MORN1: variants seen among roughly 807,000 people sequenced by gnomAD.
MORN1 encodes MORN repeat containing 1.
A neutral mutation model predicts 61.9 loss-of-function variants in MORN1; 67 were observed. The ratio of observed to expected loss-of-function variants is 1.08; its 90% CI spans 0.89 to 1.33. The LOEUF is 1.33. MORN1 is among the 40% of genes most tolerant of loss of function. MORN1 has a pLI of 0.00. For synonymous variants in MORN1, 301 were observed against 292.0 expected, an observed-to-expected ratio of 1.03 and a Z score of -0.31; for missense variants, 752 against 691.2, an observed-to-expected ratio of 1.09 and a Z score of -0.99.
intron 12 of MORN1, among the ~76,000 whole-genome samples, chr1:2,335,828 T>TAGCCG (rs1641254300): frequency 7.0e-6 from 1 of 143,014 alleles, no homozygotes; most frequent in African/African-American, 3.0e-5. Flanking sequence ...CTCGCCTCCA[T>TAGCCG]AGCCCAGCCC....
intron 5 of MORN1, 134 bp downstream of exon 5, chr1:2,385,673 G>A (rs922252363): frequency 1.2e-5 from 9 of 722,350 alleles, no homozygotes; most frequent in African/African-American, 1.1e-4. Context: ...GGGGGGTGGC[G>A]GGTAGACAGC....
At chr1:2,369,187 T>TA (rs113988166) in intron 8 of MORN1, among the ~76,000 whole-genome samples, 17,314 of 150,326 alleles carry the variant, frequency 0.12, 2,426 homozygotes, top group African/African-American at 0.33. Context: ...CTGTCTGTAC[T>TA]AAAAAAATAC....
At chr1:2,355,668 G>A (rs1178042259) in intron 10 of MORN1, among the ~76,000 whole-genome samples, 2 of 152,252 alleles carry the variant, frequency 1.3e-5, no homozygotes, top group Non-Finnish European at 2.9e-5. Flanking sequence ...GGGGCCGAGT[G>A]ACCGGCCAGG....
At chr1:2,367,946 TAAA>T (rs1202202387) in intron 8 of MORN1, among the ~76,000 whole-genome samples, 1 of 152,122 alleles carries the variant, frequency 6.6e-6, no homozygotes, top group Non-Finnish European at 1.5e-5. Flanking sequence ...ATAAAATTCT[TAAA>T]AGAAAACACA....
At chr1:2,353,078 C>A (rs759293791) in intron 10 of MORN1, among the ~76,000 whole-genome samples, 1 of 152,224 alleles carries the variant, frequency 6.6e-6, no homozygotes, top group Non-Finnish European at 1.5e-5. Context: ...GCAGGCCAGG[C>A]CAGAGGCTTC....
chr1:2,329,289 T>G (rs570448697), intron 12 of MORN1, among the ~76,000 whole-genome samples: 31 of 152,292 alleles, frequency 2.0e-4, no homozygotes, highest in Admixed American at 4.6e-4. Flanking sequence ...CTGCTTTGGT[T>G]TAGTATCCCT....
At chr1:2,385,392 G>A (rs1252427695) in intron 5 of MORN1, 6 of 444,366 alleles carry the variant, frequency 1.4e-5, no homozygotes, top group Admixed American at 7.9e-5. Flanking sequence ...AGACTCCGCC[G>A]TGGGAATTTC....
intron 1 of MORN1, chr1:2,390,373 G>A: frequency 1.0e-6 from 1 of 966,958 alleles, no homozygotes; most frequent in Non-Finnish European, 1.2e-6. Flanking sequence ...GGCAGTGTCA[G>A]TGAGGCACAC....
rs889115303 is a variant in MORN1, at chr1:2,337,035, G to A, written c.1037-185C>T. ...TCCATCCTGGGTGCTCCCTCCGGCC[G>A]CCGACAGGGGAGGTGGGGGTCCTCC... On this transcript the variant is annotated intron_variant, in intron 10 of 13. Coordinates refer to ENST00000378531, the MANE Select transcript of MORN1 (RefSeq NM_024848.3). This position sits in a 1 kb window ranked among gnomAD's most constrained non-coding sequence, Gnocchi z 5.7. 7.9e-5 allele frequency among the ~76,000 whole-genome samples: 12 copies of A among 152,086 alleles called. No individual in the cohort carries two copies. Among genetic ancestry groups the A allele is most frequent in the African/African-American group, 2.7e-4 (11 of 41,406 alleles).
At chr1:2,363,726 C>T (rs1161341962) in intron 8 of MORN1, 1 of 147,710 alleles carries the variant, frequency 6.8e-6, no homozygotes, top group Non-Finnish European at 1.5e-5. Flanking sequence ...GATTTCACTA[C>T]TGTACTTCAG....
intron 10 of MORN1, among the ~76,000 whole-genome samples, chr1:2,355,970 G>A (rs1641754485): frequency 6.6e-6 from 1 of 152,220 alleles, no homozygotes. Flanking sequence ...TCCAGGCCAA[G>A]GCTCACCGGA....
chr1:2,385,328 T>C, intron 5 of MORN1: 1 of 539,322 alleles, frequency 1.9e-6, no homozygotes, highest in South Asian at 2.1e-5. Context: ...AAATGGGAAA[T>C]GACCCAGGAG....
rs949481808 is a variant in MORN1 at position 2,391,490 on chromosome 1, C to A, written c.44G>T (p.Arg15Leu). Residue 15 changes from arginine (R) to leucine (L), a missense_variant, in exon 1 of 14, where the codon CGT (arginine) becomes CTT (leucine). Arg to Leu is a moderately radical substitution (Grantham distance 102). Transcript: ENST00000378531. ...GGGCGGCCGCCTAGGCGGGTCCCGA[C>A]GCGGCCCGCGGGAGCTCGGGGTGCC... ...GEGTPSSRGP[R>L]RDPPRRPPRN... 2 of 1,252,200 alleles carry A rather than the reference C, an allele frequency of 1.6e-6. No homozygotes were observed. Among genetic ancestry groups the A allele is most frequent in the Non-Finnish European group, 2.0e-6 (2 of 992,280 alleles). The allele number at this position is 1,252,200 out of a possible 1,614,324, so 77.6% of individuals were successfully genotyped here.
chr1:2,389,129 GAA>G (rs374080033), intron 2 of MORN1, among the ~76,000 whole-genome samples: 8 of 76,782 alleles, frequency 1.0e-4, no homozygotes, highest in Admixed American at 4.4e-4. Context: ...AAAAAAAAAA[GAA>G]AAAAGAAACA....
rs1642194500 is a variant in MORN1 at position 2,374,574 on chromosome 1, G to A, written c.538-17C>T. 4 of 1,572,468 alleles carry A rather than the reference G, an allele frequency of 2.5e-6. No individual in the cohort carries two copies. Among genetic ancestry groups the A allele is most frequent in the Non-Finnish European group, 2.6e-6 (3 of 1,158,542 alleles). On this transcript the variant is annotated splice_polypyrimidine_tract_variant and intron_variant, in intron 6 of 13. Coordinates refer to ENST00000378531, the MANE Select transcript of MORN1 (RefSeq NM_024848.3). ...CCACTGTCCCTGCAGAGAGAAGGGTGAGGCTCAGGCTGGTGGCTCCCAAGG... is the reference window on the plus strand; with the variant it reads ...CCACTGTCCCTGCAGAGAGAAGGGTAAGGCTCAGGCTGGTGGCTCCCAAGG...
chr1:2,368,967 G>C (rs569384412), intron 8 of MORN1, among the ~76,000 whole-genome samples: 1 of 151,828 alleles, frequency 6.6e-6, no homozygotes, highest in East Asian at 1.9e-4. Flanking sequence ...TGAGGCAGGA[G>C]AATCGCTTGA....
intron 12 of MORN1, among the ~76,000 whole-genome samples, chr1:2,325,555 C>T (rs769489955): frequency 6.6e-6 from 1 of 151,874 alleles, no homozygotes; most frequent in Non-Finnish European, 1.5e-5. Flanking sequence ...CTATGTTGCC[C>T]AGGTTGGTCT....
chr1:2,348,720 G>GGCACGCACACAC lies in MORN1; in HGVS notation c.1036+8711_1036+8712insGTGTGTGCGTGC, dbSNP rs771171663. Reference sequence around the variant, plus strand: ...ACGCACGCACACGCACACCTGCGCGGGCACGCACACGCACACCTGCGCGGG... The same window carrying GGCACGCACACAC: ...ACGCACGCACACGCACACCTGCGCGGGCACGCACACACGCACGCACACGCACACCTGCGCGGG... On this transcript the variant is annotated intron_variant, in intron 10 of 13. Transcript: ENST00000378531. 3.2e-3 allele frequency among the ~76,000 whole-genome samples: 402 copies of GGCACGCACACAC among 124,226 alleles called. 37 individuals carry two copies. Among genetic ancestry groups the GGCACGCACACAC allele is most frequent in the African/African-American group, 0.011 (360 of 32,378 alleles). 81.5% of individuals were successfully genotyped at this position (124,226 alleles called of 152,430 possible).
chr1:2,353,027 G>A (rs1418497698), intron 10 of MORN1, among the ~76,000 whole-genome samples: 1 of 152,212 alleles, frequency 6.6e-6, no homozygotes, highest in Non-Finnish European at 1.5e-5. Context: ...GGAAACTTGA[G>A]GCTGGGACCA....
Sources: gnomAD v4.1 joint callset for allele counts (sites outside exome capture counted in the v4.1 genomes callset) on GRCh38, gnomAD v4.1.1 for gene constraint, Gnocchi (gnomAD v3.1) non-coding constraint, MANE v1.5 for transcripts, NCBI Gene and HGNC (gene_info 2026-07-23, HGNC 2026-07-21) for gene names.